Variants in NAIF1 observed in about 807,000 individuals in gnomAD.
The protein encoded by NAIF1 is nuclear apoptosis inducing factor 1.
Under a neutral mutation model 20.7 loss-of-function variants are expected in NAIF1, and 14 were observed. That is an observed-to-expected ratio of 0.67 (90% CI 0.45 to 1.05). The LOEUF (loss-of-function observed/expected upper bound fraction) is 1.05. Among genes scored for constraint, NAIF1 ranks in the 50% least tolerant of loss-of-function variants. NAIF1 has a pLI of 0.00. For synonymous variants in NAIF1, 191 were observed against 191.4 expected (o/e 1.00, Z 0.02); for missense variants, 362 against 448.8 (o/e 0.81, Z 1.75).
chr9:128,066,496 C>G, intron 1 of NAIF1, 95 bp downstream of exon 1: 6 of 1,370,762 alleles, frequency 4.4e-6, no homozygotes, highest in Non-Finnish European at 5.8e-6. Flanking sequence ...CCCATCTGAC[C>G]TCTGACCCTT....
rs747907178 is a variant in NAIF1 at position 128,063,554 on chromosome 9, G to A, written c.858C>T (p.Ile286=). 3.1e-6 allele frequency: 5 copies of A among 1,611,344 alleles called. No homozygotes were observed. In the Admixed American group the frequency reaches 6.7e-5, roughly 21 times the overall value. ...CTTTGATCATAGGCCGGAGGACCTG[G>A]ATGAGGACGCTCAGGGCAGCCTGTG... is the stretch of plus-strand genomic sequence containing the variant. The part of the protein sequence containing the change: ...EGTQAALSVL[I]QVLRPMIKDF... The change falls in exon 2 of 2, where the codon ATC becomes ATT. Residue 286 remains isoleucine (I), a synonymous_variant. Coordinates refer to ENST00000373078, the MANE Select transcript of NAIF1 (RefSeq NM_197956.4). The surrounding 1 kb of genome is among the most constrained non-coding windows in gnomAD (Gnocchi z 4.3).
chr9:128,067,141 C>T lies in NAIF1; in HGVS notation c.-40G>A. On this transcript the variant is annotated 5_prime_UTR_variant, in exon 1 of 2. Transcript: ENST00000373078. Reference sequence around the variant, plus strand: ...CCTCTTTTTAAAGAAATTATAATCCCCTCAAGCGCCCCAATTCCCCTTCTC... The same window carrying T: ...CCTCTTTTTAAAGAAATTATAATCCTCTCAAGCGCCCCAATTCCCCTTCTC... 6.5e-7 allele frequency: 1 copy of T among 1,540,252 alleles called. No homozygotes were observed. Among genetic ancestry groups the T allele is most frequent in the Admixed American group, 1.9e-5 (1 of 52,316 alleles).
At chr9:128,066,090 A>C in intron 1 of NAIF1, 1 of 153,910 alleles carries the variant, frequency 6.5e-6, no homozygotes, top group Non-Finnish European at 1.4e-5. Context: ...TGATGAATGA[A>C]TGAATGAATG....
At position 128,062,646 on chromosome 9, in the gene NAIF1, A is replaced by T. The variant is rs1832733053; in HGVS notation, c.*782T>A. 6.6e-6 allele frequency: 1 copy of T among 152,198 alleles called. No individual in the cohort carries two copies. Among genetic ancestry groups the T allele is most frequent in the Non-Finnish European group, 1.5e-5 (1 of 68,058 alleles). 9.4% of individuals were successfully genotyped at this position (152,198 alleles called of 1,614,324 possible). A position where few individuals can be genotyped will look rare whatever the true frequency, so the allele number is the denominator to read the frequency against. ...CTGCAGTGGGGCAGCAAGCTTCCAC[A>T]CTAGTTGGCTTTCTCAAAAATTTAC... is the stretch of plus-strand genomic sequence containing the variant. On this transcript the variant is annotated 3_prime_UTR_variant, in exon 2 of 2. Transcript: ENST00000373078.
Position 128,066,853 on chromosome 9 carries a change from A to G in NAIF1, c.249T>C (p.Val83=). The G allele has an allele frequency of 6.2e-7, 1 of 1,612,666 alleles. No individual in the cohort carries two copies. The highest frequency in any genetic ancestry group is 1.1e-5 in the South Asian group (1 of 91,084). The change falls in exon 1 of 2, where the codon GTT becomes GTC. Residue 83 remains valine, a synonymous_variant. Coordinates refer to ENST00000373078, the MANE Select transcript of NAIF1 (RefSeq NM_197956.4). The part of the protein sequence containing the change: ...SDLKTEVRRK[V]AQVRAAVEGG... ...CCTCCACGGCGGCCCGGACCTGGGCAACCTTGCGACGGACCTCGGTCTTGA... is the reference window on the plus strand; with the variant it reads ...CCTCCACGGCGGCCCGGACCTGGGCGACCTTGCGACGGACCTCGGTCTTGA...
Position 128,061,277 on chromosome 9 carries a change from G to A in NAIF1, c.*2151C>T, listed in dbSNP as rs181450455. ...TGTCTTTAATTTAAAATTATGACCC[G>A]GAAATAACTAGTCAGTTTAAGTGAT... is the stretch of plus-strand genomic sequence containing the variant. On this transcript the variant is annotated 3_prime_UTR_variant, in exon 2 of 2. Transcript: ENST00000373078. The A allele has an allele frequency of 1.2e-4, 18 of 152,180 alleles. No individual in the cohort carries two copies. Among genetic ancestry groups the A allele is most frequent in the East Asian group, 9.6e-4 (5 of 5,182 alleles). 9.4% of individuals were successfully genotyped at this position (152,180 alleles called of 1,614,324 possible). A position where few individuals can be genotyped will look rare whatever the true frequency, so the allele number is the denominator to read the frequency against.
chr9:128,066,648 G>T lies in NAIF1; in HGVS notation c.454C>A (p.Pro152Thr), dbSNP rs1304555868. Residue 152 changes from proline (P) to threonine (T), a missense_variant, in exon 1 of 2, where the codon CCT becomes ACT. Coordinates refer to ENST00000373078, the MANE Select transcript of NAIF1 (RefSeq NM_197956.4). ...ISLPSTTEIH[P>T]VALGPSATAA... ...GTGGCCGAGGGTCCGAGGGCCACAG[G>T]GTGGATCTCTGTGGTGCTGGGCAGG... 1 of 1,572,660 alleles carries T rather than the reference G, an allele frequency of 6.4e-7. No individual in the cohort carries two copies. Among genetic ancestry groups the T allele is most frequent in the Admixed American group, 1.8e-5 (1 of 55,008 alleles).
chr9:128,063,749 G>A lies in NAIF1; in HGVS notation c.663C>T (p.Arg221=), dbSNP rs1832745715. 1 of 1,614,190 alleles carries A rather than the reference G, an allele frequency of 6.2e-7. No homozygotes were observed. The highest frequency in any genetic ancestry group is 2.2e-5 in the East Asian group (1 of 44,888). Residue 221 remains arginine, a synonymous_variant, in exon 2 of 2, where the codon CGC becomes CGT. Transcript: ENST00000373078. The surrounding 1 kb of genome is among the most constrained non-coding windows in gnomAD (Gnocchi z 4.3). The stretch of plus-strand genomic sequence containing the variant: ...TCAGCTTGGCGGAGTTGAGAGCAAT[G>A]CGGCTCTTGAGCGCTTGCGGCTTGA... ...TSVKPQALKS[R]IALNSAKLIQ... is the part of the protein sequence containing the mutation.
chr9:128,063,865 C>T lies in NAIF1; in HGVS notation c.547G>A (p.Gly183Ser). Residue 183 changes from glycine to serine, a missense_variant, in exon 2 of 2, where the codon GGC (glycine) becomes AGC (serine). Gly to Ser is a moderately conservative substitution (Grantham distance 56). Transcript: ENST00000373078. This position sits in a 1 kb window ranked among gnomAD's most constrained non-coding sequence, Gnocchi z 4.3. ...TCAGCCGTGCAGTACTCCACCACGC[C>T]CTCCTCCAGCGTGTGATAGGTGGTC... ...TETTYHTLEE[G>S]VVEYCTAEAP... 6.2e-7 allele frequency: 1 copy of T among 1,609,224 alleles called. No individual in the cohort carries two copies.
chr9:128,066,591 T>C lies in NAIF1; in HGVS notation c.511A>G (p.Ile171Val). 6.6e-7 allele frequency: 1 copy of C among 1,505,168 alleles called. No individual in the cohort carries two copies. 93.2% of individuals were successfully genotyped at this position (1,505,168 alleles called of 1,614,324 possible). ...AAAATVTLTQIPTETTYHTLE... is the reference protein window; with the variant it reads ...AAAATVTLTQVPTETTYHTLE... ...CGCCTGGGCAGGAGAGGTCACTCAC[T>C]CTGTGTCAGGGTGACCGTGGCTGCG... Residue 171 changes from isoleucine to valine, a missense_variant and splice_region_variant, in exon 1 of 2, where the codon ATC becomes GTC. Physicochemically the swap from Ile to Val is conservative, Grantham distance 29 (BLOSUM62 3). Coordinates refer to ENST00000373078, the MANE Select transcript of NAIF1 (RefSeq NM_197956.4).
chr9:128,064,996 A>G (rs1832762241), intron 1 of NAIF1, among the ~76,000 whole-genome samples: 1 of 151,082 alleles, frequency 6.6e-6, no homozygotes, highest in African/African-American at 2.4e-5. Flanking sequence ...AAAGAAAGGC[A>G]CCCCAGAGGC....
chr9:128,063,240 G>C lies in NAIF1; in HGVS notation c.*188C>G. 1.6e-6 allele frequency: 1 copy of C among 606,660 alleles called. No individual in the cohort carries two copies. The highest frequency in any genetic ancestry group is 2.9e-6 in the Non-Finnish European group (1 of 344,994). 37.6% of individuals were successfully genotyped at this position (606,660 alleles called of 1,614,324 possible). ...TCTTAGCAAGGCAGCTCAAGTAGGG[G>C]GAGTATGAGTTTGGGTCCCAGGAGC... On this transcript the variant is annotated 3_prime_UTR_variant, in exon 2 of 2. Coordinates refer to ENST00000373078, the MANE Select transcript of NAIF1 (RefSeq NM_197956.4). This position sits in a 1 kb window ranked among gnomAD's most constrained non-coding sequence, Gnocchi z 4.3.
rs1286923995 is a variant in NAIF1, at chr9:128,061,670, G to A, written c.*1758C>T. 1.3e-5 allele frequency: 2 copies of A among 152,204 alleles called. No individual in the cohort carries two copies. The highest frequency in any genetic ancestry group is 1.9e-4 in the East Asian group (1 of 5,198). The allele number at this position is 152,204 out of a possible 1,614,324, so 9.4% of individuals were successfully genotyped here. A position where few individuals can be genotyped will look rare whatever the true frequency, so the allele number is the denominator to read the frequency against. Reference sequence around the variant, plus strand: ...AATAGAGGAGTTGAGCATTCTAAACGTTCGTGCCCAGGAGGGCAGCGTCTT... The same window carrying A: ...AATAGAGGAGTTGAGCATTCTAAACATTCGTGCCCAGGAGGGCAGCGTCTT... On this transcript the variant is annotated 3_prime_UTR_variant, in exon 2 of 2. Coordinates refer to ENST00000373078, the MANE Select transcript of NAIF1 (RefSeq NM_197956.4).
At position 128,062,681 on chromosome 9, in the gene NAIF1, A is replaced by G. The variant is rs566196465; in HGVS notation, c.*747T>C. 1 of 152,342 alleles carries G rather than the reference A, an allele frequency of 6.6e-6. No homozygotes were observed. Among genetic ancestry groups the G allele is most frequent in the Admixed American group, 6.5e-5 (1 of 15,302 alleles). The allele number at this position is 152,342 out of a possible 1,614,324, so 9.4% of individuals were successfully genotyped here. A position where few individuals can be genotyped will look rare whatever the true frequency, so the allele number is the denominator to read the frequency against. On this transcript the variant is annotated 3_prime_UTR_variant, in exon 2 of 2. Transcript: ENST00000373078. ...TTTCTCAAAAATTTACAGCATCCAA[A>G]GCTTGACCTGAGTCAAAAGCTCTAG... is the stretch of plus-strand genomic sequence containing the variant.
At chr9:128,066,519 T>C in intron 1 of NAIF1, 72 bp downstream of exon 1, 1 of 1,449,146 alleles carries the variant, frequency 6.9e-7, no homozygotes, top group South Asian at 1.6e-5. Context: ...CAGCCAACCT[T>C]CCCCAGGCCA....
rs1238604167 is a variant in NAIF1, at chr9:128,067,147, G to A, written c.-46C>T. On this transcript the variant is annotated 5_prime_UTR_variant, in exon 1 of 2. Transcript: ENST00000373078. Reference sequence around the variant, plus strand: ...TTTAAAGAAATTATAATCCCCTCAAGCGCCCCAATTCCCCTTCTCTTCTTC... The same window carrying A: ...TTTAAAGAAATTATAATCCCCTCAAACGCCCCAATTCCCCTTCTCTTCTTC... The A allele has an allele frequency of 2.6e-6, 4 of 1,536,954 alleles. No homozygotes were observed. The highest frequency in any genetic ancestry group is 3.5e-6 in the Non-Finnish European group (4 of 1,141,270).
intron 1 of NAIF1, among the ~76,000 whole-genome samples, chr9:128,065,133 G>A (rs1390288427): frequency 6.8e-6 from 1 of 148,038 alleles, no homozygotes; most frequent in Non-Finnish European, 1.5e-5. Context: ...TTTTGAGACG[G>A]AGTTTTGCTC....
intron 1 of NAIF1, among the ~76,000 whole-genome samples, chr9:128,065,843 C>T (rs756822023): frequency 5.3e-5 from 8 of 152,224 alleles, no homozygotes; most frequent in Non-Finnish European, 1.2e-4. Context: ...TATGGGCCTC[C>T]GCGCATGTGG....
intron 1 of NAIF1, 130 bp from the exon 2 acceptor site, chr9:128,064,030 TG>T (rs1474010176): frequency 1.6e-6 from 1 of 643,738 alleles, no homozygotes; most frequent in Non-Finnish European, 2.6e-6. Context: ...AGGCCTCCCC[TG>T]GCTGCATAGC....
Sources: gnomAD v4.1 joint callset for allele counts (sites outside exome capture counted in the v4.1 genomes callset) on GRCh38, gnomAD v4.1.1 for gene constraint, Gnocchi (gnomAD v3.1) non-coding constraint, MANE v1.5 for transcripts, NCBI Gene and HGNC (gene_info 2026-07-23, HGNC 2026-07-21) for gene names.